IL1RAP: variants seen among roughly 807,000 people sequenced by gnomAD.
IL1RAP encodes interleukin 1 receptor accessory protein.
In IL1RAP, 35 loss-of-function variants were observed where a neutral mutation model predicts 60.7. The ratio of observed to expected loss-of-function variants is 0.58; its 90% CI spans 0.44 to 0.76. The LOEUF (loss-of-function observed/expected upper bound fraction) is 0.76. Among genes scored for constraint, IL1RAP ranks in the 30% least tolerant of loss-of-function variants. The pLI is 0.00. For synonymous variants in IL1RAP, 268 were observed against 250.9 expected (o/e 1.07, Z -0.64); for missense variants, 572 against 693.9 (o/e 0.82, Z 1.97).
At chr3:190,656,286 A>C, downstream of IL1RAP, 5 of 1,537,294 alleles carry the variant, frequency 3.3e-6, no homozygotes, top group Non-Finnish European at 4.4e-6. Flanking sequence ...AAGAGCCCCC[A>C]GAACTTCAGA....
chr3:190,535,735 T>C (rs935952416), intron 1 of IL1RAP, among the ~76,000 whole-genome samples: 2 of 152,246 alleles, frequency 1.3e-5, no homozygotes, highest in Non-Finnish European at 1.5e-5. Context: ...ATAAGATTCA[T>C]GTATCCTGGC....
At chr3:190,535,551 T>C (rs1258671721) in intron 1 of IL1RAP, among the ~76,000 whole-genome samples, 2 of 152,182 alleles carry the variant, frequency 1.3e-5, no homozygotes, top group Non-Finnish European at 2.9e-5. Context: ...CTACGACTTA[T>C]AACTCACTCT....
At chr3:190,521,175 C>A (rs567889351) in intron 1 of IL1RAP, among the ~76,000 whole-genome samples, 1 of 152,102 alleles carries the variant, frequency 6.6e-6, no homozygotes, top group Non-Finnish European at 1.5e-5. Context: ...CCATTGCATG[C>A]CCAGATGGAT....
At chr3:190,597,872 C>T (rs145282220) in intron 3 of IL1RAP, among the ~76,000 whole-genome samples, 12 of 152,282 alleles carry the variant, frequency 7.9e-5, no homozygotes, top group African/African-American at 2.6e-4. Context: ...ACATGTCGCT[C>T]ATCATCTATC....
At chr3:190,519,266 A>C (rs1354715225) in intron 1 of IL1RAP, among the ~76,000 whole-genome samples, 2 of 152,240 alleles carry the variant, frequency 1.3e-5, no homozygotes, top group Admixed American at 6.5e-5. Flanking sequence ...GGGAGTAAAA[A>C]GAAAATACTC....
intron 1 of IL1RAP, among the ~76,000 whole-genome samples, chr3:190,540,598 G>A (rs1723846852): frequency 6.6e-6 from 1 of 150,592 alleles, no homozygotes; most frequent in Non-Finnish European, 1.5e-5. Flanking sequence ...CTACCTGTTT[G>A]TAATAACAGG....
intron 3 of IL1RAP, among the ~76,000 whole-genome samples, chr3:190,591,379 A>G (rs566755822): frequency 4.2e-4 from 64 of 152,304 alleles, no homozygotes; most frequent in African/African-American, 1.4e-3. Context: ...TAGGGAAAGC[A>G]GTTGTTTTGG....
exon 12 of IL1RAP, chr3:190,657,479 G>T (rs182070630): frequency 6.6e-6 from 1 of 152,176 alleles, no homozygotes; most frequent in Non-Finnish European, 1.5e-5. Context: ...GTGATGTAGC[G>T]TAGAAATAGG....
chr3:190,606,472 T>G (rs1730338759), intron 4 of IL1RAP, among the ~76,000 whole-genome samples: 1 of 152,236 alleles, frequency 6.6e-6, no homozygotes, highest in Non-Finnish European at 1.5e-5. Context: ...GAAGAAGTCA[T>G]CAGGAGCTTT....
chr3:190,630,102 T>G (rs1200789649), intron 9 of IL1RAP: 2 of 768,904 alleles, frequency 2.6e-6, no homozygotes, highest in African/African-American at 1.9e-5. Context: ...TAATATTATT[T>G]TAAACACTAT....
In IL1RAP at chr3:190,649,319, C is replaced by T. The variant is rs1303861572; in HGVS notation, c.*614C>T. The T allele has an allele frequency of 2.0e-6, 2 of 984,654 alleles. No homozygotes were observed. The highest frequency in any genetic ancestry group is 3.5e-5 in the African/African-American group (2 of 57,202). The allele number at this position is 984,654 out of a possible 1,614,324, so 61.0% of individuals were successfully genotyped here. A position where few individuals can be genotyped will look rare whatever the true frequency, so the allele number is the denominator to read the frequency against. On this transcript the variant is annotated 3_prime_UTR_variant, in exon 12 of 12. Coordinates refer to ENST00000447382, the MANE Select transcript of IL1RAP (RefSeq NM_002182.4). ...TTGTCTTCTATACCACCCTTGTCCT[C>T]ATCTCAGGTAATTTATGAAATCTAT...
At chr3:190,629,538 T>G (rs1732601041) in intron 9 of IL1RAP, 40 bp downstream of exon 9, 1 of 1,576,028 alleles carries the variant, frequency 6.3e-7, no homozygotes. Context: ...CAGCTCCAAA[T>G]TAACATTGTG....
At chr3:190,656,274 G>C, downstream of IL1RAP, 1 of 1,537,220 alleles carries the variant, frequency 6.5e-7, no homozygotes, top group Non-Finnish European at 8.7e-7. Flanking sequence ...GAAGTCGTTT[G>C]AAAGAGCCCC....
intron 5 of IL1RAP, among the ~76,000 whole-genome samples, chr3:190,616,316 C>A (rs1731264211): frequency 6.6e-6 from 1 of 152,114 alleles, no homozygotes; most frequent in Non-Finnish European, 1.5e-5. Flanking sequence ...CAATACCAAG[C>A]ACACAGCATA....
At chr3:190,629,985 T>G (rs1014012494) in intron 9 of IL1RAP, 4 of 867,100 alleles carry the variant, frequency 4.6e-6, no homozygotes, top group Non-Finnish European at 5.5e-6. Flanking sequence ...CCTTTTAATA[T>G]TATTAGAAGC....
chr3:190,552,630 T>G (rs1270548981), intron 1 of IL1RAP, among the ~76,000 whole-genome samples: 2 of 152,076 alleles, frequency 1.3e-5, no homozygotes. Context: ...AAAACACATA[T>G]ACAACTACAC....
intron 3 of IL1RAP, among the ~76,000 whole-genome samples, chr3:190,591,602 A>T (rs1408013934): frequency 6.6e-6 from 1 of 152,162 alleles, no homozygotes; most frequent in Non-Finnish European, 1.5e-5. Context: ...ACTTTATTTC[A>T]TGCGCTGTCA....
chr3:190,648,720 A>G lies in IL1RAP; in HGVS notation c.*15A>G, dbSNP rs1734215241. 6.3e-7 allele frequency: 1 copy of G among 1,592,900 alleles called. No individual in the cohort carries two copies. The highest frequency in any genetic ancestry group is 2.2e-5 in the East Asian group (1 of 44,716). ...AAAATGTATGAAAGGAATAATGAAA[A>G]GGGTAAAAAGAACAAGGGGTGCTCC... On this transcript the variant is annotated 3_prime_UTR_variant, in exon 12 of 12. Transcript: ENST00000447382.
At chr3:190,656,407 C>A, downstream of IL1RAP, 1 of 1,537,222 alleles carries the variant, frequency 6.5e-7, no homozygotes, top group Non-Finnish European at 8.7e-7. Context: ...AGGAGAGAAT[C>A]ACCTTAGGAA....
Sources: allele counts gnomAD v4.1 joint callset (sites outside exome capture counted in the v4.1 genomes callset), GRCh38; gene constraint gnomAD v4.1.1; transcripts MANE v1.5; gene names NCBI Gene and HGNC (gene_info 2026-07-23, HGNC 2026-07-21).